The following KCMF1 variants were observed in gnomAD, a reference collection of about 807,000 sequenced individuals.
KCMF1 encodes E3 ubiquitin-protein ligase KCMF1.
Under a neutral mutation model 41.1 loss-of-function variants are expected in KCMF1, and 3 were observed. The observed-to-expected ratio is 0.07, with a 90% CI of 0.03 to 0.19. KCMF1 has a LOEUF of 0.19. KCMF1 is among the 10% of genes least tolerant of loss of function. The pLI is 1.00. For synonymous variants in KCMF1, 142 were observed against 164.5 expected (o/e 0.86, Z 1.04); for missense variants, 286 against 488.9 (o/e 0.58, Z 3.91).
At chr2:85,033,103 A>G (rs1457084634) in intron 2 of KCMF1, among the ~76,000 whole-genome samples, 1 of 152,168 alleles carries the variant, frequency 6.6e-6, no homozygotes, top group African/African-American at 2.4e-5. Flanking sequence ...ATTTATCCCC[A>G]GCTACTCCAA....
chr2:85,020,741 T>C (rs977731050), intron 1 of KCMF1, among the ~76,000 whole-genome samples: 1 of 152,220 alleles, frequency 6.6e-6, no homozygotes, highest in African/African-American at 2.4e-5. Flanking sequence ...CTGGAAGCTA[T>C]TTTGAATAAG....
chr2:84,978,287 G>A (rs553959374), intron 1 of KCMF1, among the ~76,000 whole-genome samples: 6 of 152,128 alleles, frequency 3.9e-5, no homozygotes, highest in Admixed American at 2.6e-4. Context: ...ATGAGCCACC[G>A]TGCCCAGCCT....
At chr2:84,987,055 C>T (rs952018517) in intron 1 of KCMF1, among the ~76,000 whole-genome samples, 2 of 152,058 alleles carry the variant, frequency 1.3e-5, no homozygotes, top group African/African-American at 4.8e-5. Flanking sequence ...GATGAAATGG[C>T]GGTGCATGTT....
intron 1 of KCMF1, among the ~76,000 whole-genome samples, chr2:84,993,823 ACC>A (rs1674106053): frequency 6.6e-6 from 1 of 151,752 alleles, no homozygotes. Context: ...TGACCCGCCC[ACC>A]TTGGCCTCCC....
intron 1 of KCMF1, among the ~76,000 whole-genome samples, chr2:85,018,373 G>A (rs746744165): frequency 1.7e-4 from 26 of 150,680 alleles, no homozygotes; most frequent in African/African-American, 2.7e-4. Context: ...AGGTTCAAGC[G>A]ATTCTCTTTC....
rs1675732868 is a variant in KCMF1 at position 85,048,789 on chromosome 2, G to A, written c.602-577G>A. Among the ~76,000 whole-genome samples, 9 of 152,346 alleles carry A rather than the reference G, an allele frequency of 5.9e-5. No homozygotes were observed. In the South Asian group the frequency reaches 1.7e-3, roughly 28 times the overall value. On this transcript the variant is annotated intron_variant, in intron 5 of 6. Transcript: ENST00000409785. ...CTGAGCACTGGTAGTGGTATCTACT[G>A]CAGTGGTACTCTGAAACAGCAGTAC...
intron 1 of KCMF1, among the ~76,000 whole-genome samples, chr2:85,010,988 C>T (rs1254151400): frequency 2.0e-5 from 3 of 151,916 alleles, no homozygotes; most frequent in Admixed American, 6.6e-5. Flanking sequence ...GGACTATAGG[C>T]GCATGCCACC....
chr2:85,025,119 G>A (rs973561810), intron 1 of KCMF1, among the ~76,000 whole-genome samples: 14 of 152,014 alleles, frequency 9.2e-5, no homozygotes, highest in African/African-American at 3.4e-4. Flanking sequence ...AGCTTACCAT[G>A]CCCCACAAAA....
intron 2 of KCMF1, among the ~76,000 whole-genome samples, chr2:85,029,343 A>T (rs1197958837): frequency 1.3e-5 from 2 of 152,062 alleles, no homozygotes; most frequent in African/African-American, 4.8e-5. Flanking sequence ...GCCCTTTGGG[A>T]GGCTTAAGAT....
At chr2:85,011,202 C>T (rs1674644787) in intron 1 of KCMF1, among the ~76,000 whole-genome samples, 1 of 152,064 alleles carries the variant, frequency 6.6e-6, no homozygotes, top group Non-Finnish European at 1.5e-5. Context: ...CTGGTGAAAC[C>T]CCTTTAAGGT....
Position 84,971,199 on chromosome 2 carries a change from G to T in KCMF1, c.-253G>T. 6.8e-6 allele frequency: 1 copy of T among 146,472 alleles called. No homozygotes were observed. The highest frequency in any genetic ancestry group is 1.8e-4 in the South Asian group (1 of 5,540). The allele number at this position is 146,472 out of a possible 1,614,324, so 9.1% of individuals were successfully genotyped here. On this transcript the variant is annotated 5_prime_UTR_variant, in exon 1 of 7. Coordinates refer to ENST00000409785, the MANE Select transcript of KCMF1 (RefSeq NM_020122.5). ...ACCGGAGTCACGGCGGGCGCCGGCG[G>T]AGCTGCGGCGTCGGACCCGCCTCCT...
chr2:85,040,906 G>A (rs1455957081), intron 3 of KCMF1, among the ~76,000 whole-genome samples: 3 of 151,928 alleles, frequency 2.0e-5, no homozygotes, highest in Non-Finnish European at 4.4e-5. Flanking sequence ...GATTACAGGC[G>A]TGTGCCACCA....
At chr2:85,027,281 C>T (rs751214950) in intron 1 of KCMF1, among the ~76,000 whole-genome samples, 36 of 151,804 alleles carry the variant, frequency 2.4e-4, no homozygotes, top group Non-Finnish European at 3.5e-4. Context: ...GGGCAAATAC[C>T]CTCATGGTGA....
At chr2:84,973,734 A>G (rs1461095384) in intron 1 of KCMF1, among the ~76,000 whole-genome samples, 3 of 151,432 alleles carry the variant, frequency 2.0e-5, no homozygotes, top group Non-Finnish European at 4.4e-5. Context: ...CACCCTTGCT[A>G]TTAGTTCTTT....
chr2:85,008,307 TATG>T (rs1411729224), intron 1 of KCMF1, among the ~76,000 whole-genome samples: 7 of 76,604 alleles, frequency 9.1e-5, no homozygotes, highest in African/African-American at 3.1e-4. Flanking sequence ...TAATATATAA[TATG>T]ATATATATAT....
intron 2 of KCMF1, among the ~76,000 whole-genome samples, chr2:85,030,217 GTTT>G (rs1227089804): frequency 6.6e-6 from 1 of 151,480 alleles, no homozygotes; most frequent in Admixed American, 6.6e-5. Context: ...AATTGTAATA[GTTT>G]TTTATTCCTT....
chr2:84,973,932 G>A (rs753961184), intron 1 of KCMF1, among the ~76,000 whole-genome samples: 8 of 147,892 alleles, frequency 5.4e-5, no homozygotes, highest in Non-Finnish European at 1.2e-4. Flanking sequence ...GATTCAAGCA[G>A]TTCTCCTGCC....
At chr2:85,019,596 T>C (rs1313655419) in intron 1 of KCMF1, among the ~76,000 whole-genome samples, 1 of 152,112 alleles carries the variant, frequency 6.6e-6, no homozygotes, top group Non-Finnish European at 1.5e-5. Context: ...TCCCTCGACT[T>C]CTTATTCATA....
chr2:85,029,572 C>G (rs1216429147), intron 2 of KCMF1, among the ~76,000 whole-genome samples: 1 of 150,406 alleles, frequency 6.6e-6, no homozygotes, highest in Non-Finnish European at 1.5e-5. Context: ...ACATTCCGGC[C>G]TGGCCAACAA....
Sources: allele counts gnomAD v4.1 joint callset (sites outside exome capture counted in the v4.1 genomes callset), GRCh38; gene constraint gnomAD v4.1.1; transcripts MANE v1.5; gene names NCBI Gene and HGNC (gene_info 2026-07-23, HGNC 2026-07-21).